Variants in SLF1 observed in about 807,000 individuals in gnomAD.
The protein encoded by SLF1 is SMC5/6 complex localization factor 1.
In SLF1, 105 loss-of-function variants were observed where a neutral mutation model predicts 123.0. The ratio of observed to expected loss-of-function variants is 0.85; its 90% confidence interval spans 0.73 to 1.00. SLF1 has a LOEUF of 1.00. Ranked by LOEUF, SLF1 falls within the 50% of genes least tolerant of loss-of-function variation. The pLI is 0.00. For missense variants in SLF1, 1,239 were observed against 1,223.0 expected (o/e 1.01, Z -0.20); for synonymous variants, 434 against 406.6 (o/e 1.07, Z -0.81).
intron 16 of SLF1, among the ~76,000 whole-genome samples, chr5:94,687,145 A>G: frequency 1.3e-5 from 2 of 152,348 alleles, no homozygotes; most frequent in Admixed American, 1.3e-4. Flanking sequence ...TCAATTCTGT[A>G]TAAAAGCTAG....
At chr5:94,666,116 C>T in intron 12 of SLF1, 92 bp downstream of exon 12, 10 of 1,242,186 alleles carry the variant, frequency 8.1e-6, no homozygotes, top group Non-Finnish European at 1.1e-5. Flanking sequence ...AAGTATCTTT[C>T]TACTTTTGGA....
At chr5:94,670,546 T>C (rs1324213538) in intron 13 of SLF1, among the ~76,000 whole-genome samples, 4 of 151,852 alleles carry the variant, frequency 2.6e-5, no homozygotes, top group East Asian at 3.8e-4. Flanking sequence ...AAAAATTCTT[T>C]AGTAATTGAA....
In SLF1 at chr5:94,672,892, T is replaced by C. The variant is rs529576212; in HGVS notation, c.1827+1884T>C. Among the ~76,000 whole-genome samples, 6 of 152,334 alleles carry C rather than the reference T, an allele frequency of 3.9e-5. No homozygotes were observed. The South Asian group carries it at 1.2e-3, about 32-fold the overall frequency. ...CTTTTAAATTGCATTTGAGAAGTTA[T>C]TTGTAGAAACAATACGTGATAAAGA... On this transcript the variant is annotated intron_variant, in intron 14 of 20. Transcript: ENST00000265140.
At chr5:94,668,767 A>G (rs1750105744) in intron 12 of SLF1, among the ~76,000 whole-genome samples, 2 of 152,212 alleles carry the variant, frequency 1.3e-5, no homozygotes, top group African/African-American at 4.8e-5. Flanking sequence ...GGAATGGGCC[A>G]CCATGCTCAG....
At chr5:94,632,849 C>T (rs757154229) in intron 4 of SLF1, among the ~76,000 whole-genome samples, 14 of 151,204 alleles carry the variant, frequency 9.3e-5, no homozygotes, top group African/African-American at 3.2e-4. Flanking sequence ...TACAGGTGCC[C>T]GGCTAATTTT....
At chr5:94,661,688 C>T (rs1431453242) in intron 9 of SLF1, among the ~76,000 whole-genome samples, 1 of 152,040 alleles carries the variant, frequency 6.6e-6, no homozygotes, top group Admixed American at 6.5e-5. Flanking sequence ...AGGCGCCTGC[C>T]ACCACGCCTG....
chr5:94,621,303 A>ATCTTGT (rs1025944784), intron 1 of SLF1, among the ~76,000 whole-genome samples: 2 of 152,188 alleles, frequency 1.3e-5, no homozygotes, highest in African/African-American at 4.8e-5. Flanking sequence ...TGTTTTTACC[A>ATCTTGT]TTTACTAGCT....
At chr5:94,650,925 A>C in intron 6 of SLF1, among the ~76,000 whole-genome samples, 1 of 152,368 alleles carries the variant, frequency 6.6e-6, no homozygotes, top group Middle Eastern at 3.4e-3. Flanking sequence ...TTGAATAAAC[A>C]TGGCAAAAGA....
intron 11 of SLF1, among the ~76,000 whole-genome samples, chr5:94,664,802 T>G (rs1347015593): frequency 6.6e-6 from 1 of 152,208 alleles, no homozygotes; most frequent in Non-Finnish European, 1.5e-5. Context: ...AGTCATCCCT[T>G]GCTGTCACAG....
intron 5 of SLF1, among the ~76,000 whole-genome samples, chr5:94,649,182 G>T (rs1747399224): frequency 6.6e-6 from 1 of 152,044 alleles, no homozygotes; most frequent in Non-Finnish European, 1.5e-5. Flanking sequence ...TTTGTTCTTG[G>T]TTATTCATAA....
chr5:94,662,222 C>A, intron 9 of SLF1, 76 bp from the exon 10 acceptor site: 1 of 1,285,462 alleles, frequency 7.8e-7, no homozygotes, highest in Non-Finnish European at 1.1e-6. Context: ...ATATGTTTTT[C>A]CAAGGTTTTG....
intron 1 of SLF1, among the ~76,000 whole-genome samples, chr5:94,622,897 C>G (rs1321799753): frequency 6.6e-6 from 1 of 151,956 alleles, no homozygotes; most frequent in Non-Finnish European, 1.5e-5. Flanking sequence ...CCTTACAAAA[C>G]CCCATTTATG....
chr5:94,684,572 C>A (rs912174309), intron 15 of SLF1, among the ~76,000 whole-genome samples: 6 of 151,848 alleles, frequency 4.0e-5, no homozygotes, highest in Admixed American at 3.9e-4. Context: ...GTGGCGAGCA[C>A]CTCTAGTCCC....
chr5:94,684,697 CAAAAAAA>C (rs397882900), intron 15 of SLF1, among the ~76,000 whole-genome samples: 6 of 68,838 alleles, frequency 8.7e-5, no homozygotes, highest in East Asian at 4.2e-4. Context: ...GACTCTGTCT[CAAAAAAA>C]AAAAAAAAAA....
Position 94,692,098 on chromosome 5 carries a change from A to G in SLF1, c.2537A>G (p.His846Arg). Reference protein sequence around the residue: ...VKDNAGWTPLHEACNYGNTVC... With the variant: ...VKDNAGWTPLREACNYGNTVC... ...GACAATGCTGGCTGGACGCCTTTGC[A>G]TGAAGCCTGTAACTATGGCAACACA... The change falls in exon 20 of 21, where the codon CAT becomes CGT. Residue 846 changes from histidine to arginine, a missense_variant. His to Arg is a conservative substitution (Grantham distance 29, BLOSUM62 0). Coordinates refer to ENST00000265140, the MANE Select transcript of SLF1 (RefSeq NM_032290.4). 1 of 1,613,668 alleles carries G rather than the reference A, an allele frequency of 6.2e-7. No homozygotes were observed. Among genetic ancestry groups the G allele is most frequent in the Non-Finnish European group, 8.5e-7 (1 of 1,179,706 alleles).
At chr5:94,689,426 G>T (rs748555788) in intron 17 of SLF1, 47 bp from the exon 18 acceptor site, 3 of 1,579,774 alleles carry the variant, frequency 1.9e-6, no homozygotes, top group Non-Finnish European at 1.7e-6. Context: ...ATGCTGGCAC[G>T]CCTTGCTGAA....
At chr5:94,657,711 A>G (rs1348532209) in intron 9 of SLF1, among the ~76,000 whole-genome samples, 1 of 152,042 alleles carries the variant, frequency 6.6e-6, no homozygotes, top group East Asian at 1.9e-4. Context: ...ATCTGGATTT[A>G]TATATCTGGG....
chr5:94,629,236 T>C, intron 3 of SLF1, 69 bp downstream of exon 3: 2 of 1,125,752 alleles, frequency 1.8e-6, no homozygotes, highest in Non-Finnish European at 2.5e-6. Context: ...TTTTAGTCTC[T>C]GGAGAGATAG....
intron 16 of SLF1, among the ~76,000 whole-genome samples, chr5:94,687,718 C>CAAA: frequency 6.8e-6 from 1 of 146,256 alleles, no homozygotes; most frequent in South Asian, 2.2e-4. Flanking sequence ...ACAACAACAA[C>CAAA]AAAGAAAGAA....
Sources: allele counts gnomAD v4.1 joint callset (sites outside exome capture counted in the v4.1 genomes callset), GRCh38; gene constraint gnomAD v4.1.1; transcripts MANE v1.5; gene names NCBI Gene and HGNC (gene_info 2026-07-23, HGNC 2026-07-21).